PUDP: variants seen among roughly 807,000 people sequenced by gnomAD.
The protein encoded by PUDP is pseudouridine 5'-phosphatase.
A neutral mutation model predicts 9.4 loss-of-function variants in PUDP; 8 were observed. The observed-to-expected ratio is 0.85, with a 90% CI of 0.50 to 1.53. The LOEUF is 1.53. Among genes scored for constraint, PUDP ranks in the 40% most tolerant of loss-of-function variants. The pLI is 0.00. For missense variants in PUDP, 188 were observed against 189.7 expected (o/e 0.99, Z 0.05); for synonymous variants, 99 against 80.7 (o/e 1.23, Z -1.22).
Position 6,834,145 on chromosome X carries a change from C to T in PUDP, c.*248-127679G>A, listed in dbSNP as rs187256596. ...GATCTTTTTGTCTATAAGGTAAGGG[C>T]AGGAAAGGAAACAAACAGGAAAAGC... On this transcript the variant is annotated intron_variant and NMD_transcript_variant, in intron 3 of 3. Transcript: ENST00000655425. Among the ~76,000 whole-genome samples the T allele has an allele frequency of 4.0e-4, 45 of 111,606 alleles. 1 individual carries two copies. Among genetic ancestry groups the T allele is most frequent in the African/African-American group, 1.4e-3 (44 of 30,743 alleles).
chrX:7,115,609 C>G (rs1156572660), intron 1 of PUDP, among the ~76,000 whole-genome samples: 1 of 112,487 alleles, frequency 8.9e-6, no homozygotes, highest in Non-Finnish European at 1.9e-5. Context: ...GTTCAGACAG[C>G]TGGGGTTGCC....
At chrX:6,750,956 G>C (rs1925065566) in intron 3 of PUDP, among the ~76,000 whole-genome samples, 1 of 110,444 alleles carries the variant, frequency 9.1e-6, no homozygotes, top group Admixed American at 9.7e-5. Context: ...TGGCTAACAC[G>C]GTAAAACCCC....
intron 3 of PUDP, among the ~76,000 whole-genome samples, chrX:6,744,448 T>C (rs749534425): frequency 1.8e-5 from 2 of 111,890 alleles, no homozygotes; most frequent in Non-Finnish European, 3.8e-5. Context: ...GTATGCTTGA[T>C]GGAACCTTTT....
chrX:6,902,424 G>C (rs184579727), intron 3 of PUDP, among the ~76,000 whole-genome samples: 1 of 111,889 alleles, frequency 8.9e-6, no homozygotes, highest in Non-Finnish European at 1.9e-5. Context: ...GCTTCCACCT[G>C]TTAGACACTG....
At chrX:6,962,568 A>G (rs1811538795) in intron 3 of PUDP, among the ~76,000 whole-genome samples, 1 of 112,440 alleles carries the variant, frequency 8.9e-6, no homozygotes, top group African/African-American at 3.2e-5. Flanking sequence ...CTAAGTAATT[A>G]CAGTCTCTTC....
intron 1 of PUDP, among the ~76,000 whole-genome samples, chrX:6,990,917 C>T (rs1288228729): frequency 2.7e-5 from 3 of 112,236 alleles, no homozygotes; most frequent in South Asian, 3.7e-4. Context: ...GTCCTGGTTT[C>T]GGGTGACTCC....
chrX:6,937,067 T>G (rs1928315621), intron 3 of PUDP, among the ~76,000 whole-genome samples: 1 of 106,099 alleles, frequency 9.4e-6, no homozygotes, highest in African/African-American at 3.4e-5. Context: ...CAAGGTAATC[T>G]ACAGATTCAA....
At chrX:7,006,982 C>T (rs1929411366) in intron 1 of PUDP, among the ~76,000 whole-genome samples, 1 of 111,553 alleles carries the variant, frequency 9.0e-6, no homozygotes, top group African/African-American at 3.3e-5. Flanking sequence ...AACAACATGC[C>T]TTGGTTTCCC....
chrX:6,830,275 T>C (rs1416581084), intron 3 of PUDP, among the ~76,000 whole-genome samples: 1 of 109,692 alleles, frequency 9.1e-6, no homozygotes, highest in Non-Finnish European at 1.9e-5. Flanking sequence ...TGAGAAGGAC[T>C]CTCTCACACC....
intron 1 of PUDP, among the ~76,000 whole-genome samples, chrX:6,717,445 C>T (rs953115037): frequency 9.0e-6 from 1 of 111,480 alleles, no homozygotes; most frequent in South Asian, 3.8e-4. Context: ...TGTCAGTACC[C>T]GATACCTGGC....
At position 6,954,670 on chromosome X, in the gene PUDP, A is replaced by G. The variant is rs1164913238; in HGVS notation, c.*247+22463T>C. On this transcript the variant is annotated intron_variant and NMD_transcript_variant, in intron 3 of 3. Coordinates refer to the PUDP transcript ENST00000655425. Reference sequence around the variant, plus strand: ...GGTGTTATGCATATGGTTATGGTTCATTACAGCTAAAGGAGACAGATTTAA... The same window carrying G: ...GGTGTTATGCATATGGTTATGGTTCGTTACAGCTAAAGGAGACAGATTTAA... Among the ~76,000 whole-genome samples, 7 of 112,315 alleles carry G rather than the reference A, an allele frequency of 6.2e-5. No homozygotes were observed. In the Admixed American group the frequency reaches 6.6e-4, roughly 11 times the overall value.
intron 1 of PUDP, among the ~76,000 whole-genome samples, chrX:6,990,791 G>T (rs1929165668): frequency 8.9e-6 from 1 of 112,710 alleles, no homozygotes; most frequent in African/African-American, 3.2e-5. Flanking sequence ...CTGGGAATTG[G>T]TACCTTCCAA....
chrX:6,899,452 A>G (rs1010141888), intron 3 of PUDP, among the ~76,000 whole-genome samples: 2 of 111,343 alleles, frequency 1.8e-5, no homozygotes, highest in African/African-American at 6.5e-5. Context: ...CCATGCCTGT[A>G]ATCCCAGCTA....
intron 3 of PUDP, among the ~76,000 whole-genome samples, chrX:6,875,727 CTAAAT>C (rs1927243308): frequency 9.0e-6 from 1 of 111,554 alleles, no homozygotes; most frequent in Non-Finnish European, 1.9e-5. Flanking sequence ...ATTGGTGGAG[CTAAAT>C]CCCATCTGGA....
chrX:6,881,085 G>T (rs1434705256), intron 3 of PUDP, among the ~76,000 whole-genome samples: 1 of 112,301 alleles, frequency 8.9e-6, no homozygotes, highest in Non-Finnish European at 1.9e-5. Context: ...AGAAGTCTGG[G>T]CTTTTCTCAG....
chrX:7,002,677 C>G (rs1929342779), intron 1 of PUDP, among the ~76,000 whole-genome samples: 1 of 111,327 alleles, frequency 9.0e-6, no homozygotes, highest in Admixed American at 9.5e-5. Flanking sequence ...TAGGTTCTGA[C>G]TCACCTGGGG....
intron 2 of PUDP, among the ~76,000 whole-genome samples, chrX:7,098,118 C>CA (rs1931624943): frequency 8.9e-6 from 1 of 112,353 alleles, no homozygotes; most frequent in African/African-American, 3.2e-5. Context: ...GAGCCACTCA[C>CA]TGGGCCAGGT....
In PUDP at chrX:6,984,229, C is replaced by T. The variant is rs186348658; in HGVS notation, c.205-5886G>A. Reference sequence around the variant, plus strand: ...AGGCAAATCCATCAAGACAGAAAGACAGACTATTGGCTGCCAGAGACTGGA... The same window carrying T: ...AGGCAAATCCATCAAGACAGAAAGATAGACTATTGGCTGCCAGAGACTGGA... On this transcript the variant is annotated intron_variant and NMD_transcript_variant, in intron 1 of 3. Transcript: ENST00000655425. Among the ~76,000 whole-genome samples, 3 of 111,859 alleles carry T rather than the reference C, an allele frequency of 2.7e-5. No homozygotes were observed. The East Asian group carries it at 8.4e-4, about 31-fold the overall frequency.
At chrX:6,983,385 A>G (rs762875785) in intron 1 of PUDP, among the ~76,000 whole-genome samples, 3 of 111,195 alleles carry the variant, frequency 2.7e-5, no homozygotes, top group South Asian at 3.9e-4. Context: ...GGACCACAGA[A>G]CTGGTTGGCA....
Sources: gnomAD v4.1 joint callset for allele counts (sites outside exome capture counted in the v4.1 genomes callset) on GRCh38, gnomAD v4.1.1 for gene constraint, MANE v1.5 for transcripts, NCBI Gene and HGNC (gene_info 2026-07-23, HGNC 2026-07-21) for gene names.